LINGO2: variants seen among roughly 807,000 people sequenced by gnomAD.
The protein encoded by LINGO2 is leucine-rich repeat and immunoglobulin-like domain-containing nogo receptor-interacting protein 2.
Under a neutral mutation model 30.6 loss-of-function variants are expected in LINGO2, and 14 were observed. That is an observed-to-expected ratio of 0.46 (90% CI 0.30 to 0.72). The LOEUF (loss-of-function observed/expected upper bound fraction) is 0.72. Among genes scored for constraint, LINGO2 ranks in the 30% least tolerant of loss-of-function variants. LINGO2 has a pLI of 0.07. For synonymous variants in LINGO2, 317 were observed against 288.5 expected (o/e 1.10, Z -1.00); for missense variants, 729 against 751.7 (o/e 0.97, Z 0.35).
At chr9:28,577,597 C>A (rs1008186859) in intron 1 of LINGO2, among the ~76,000 whole-genome samples, 3 of 152,164 alleles carry the variant, frequency 2.0e-5, no homozygotes, top group African/African-American at 7.2e-5. Context: ...TGAATTCTTT[C>A]TCTATTGCAA....
At chr9:28,206,524 A>G (rs186291539) in intron 4 of LINGO2, among the ~76,000 whole-genome samples, 41 of 152,320 alleles carry the variant, frequency 2.7e-4, no homozygotes, top group Admixed American at 1.6e-3. Context: ...CAGTCTATCT[A>G]GAGATTAAAA....
the LINGO2 span, among the ~76,000 whole-genome samples, chr9:29,041,983 A>C: frequency 6.6e-6 from 1 of 152,068 alleles, no homozygotes; most frequent in African/African-American, 2.4e-5. Context: ...AATGAGGGAA[A>C]GACATGAACA....
the LINGO2 span, among the ~76,000 whole-genome samples, chr9:29,071,725 G>A: frequency 2.0e-5 from 3 of 151,330 alleles, no homozygotes; most frequent in Non-Finnish European, 4.4e-5. Flanking sequence ...AATATATATT[G>A]GAGAGATGGA....
chr9:28,988,716 T>C, the LINGO2 span, among the ~76,000 whole-genome samples: 3 of 152,232 alleles, frequency 2.0e-5, no homozygotes, highest in Admixed American at 1.3e-4. Flanking sequence ...TAAGTGCTTC[T>C]GGCTCTCTTT....
intron 4 of LINGO2, among the ~76,000 whole-genome samples, chr9:28,040,048 A>G (rs534602947): frequency 6.6e-6 from 1 of 152,356 alleles, no homozygotes; most frequent in African/African-American, 2.4e-5. Flanking sequence ...AACTATTTTC[A>G]TCCTGGGAGA....
At chr9:28,742,033 G>A in the LINGO2 span, among the ~76,000 whole-genome samples, 2 of 151,942 alleles carry the variant, frequency 1.3e-5, no homozygotes, top group Admixed American at 6.5e-5. Flanking sequence ...GATCCCACCT[G>A]GTATCAGGGT....
intron 1 of LINGO2, among the ~76,000 whole-genome samples, chr9:28,666,169 G>A (rs1183088511): frequency 1.3e-5 from 2 of 152,008 alleles, no homozygotes; most frequent in Non-Finnish European, 2.9e-5. Context: ...TGGGATTACA[G>A]GTGTGAGTCA....
At chr9:28,435,535 T>C (rs1162238607) in intron 2 of LINGO2, among the ~76,000 whole-genome samples, 1 of 152,232 alleles carries the variant, frequency 6.6e-6, no homozygotes, top group Non-Finnish European at 1.5e-5. Flanking sequence ...ATTGTCATTC[T>C]ATCTGACATC....
At chr9:29,075,258 T>C in the LINGO2 span, among the ~76,000 whole-genome samples, 1 of 152,178 alleles carries the variant, frequency 6.6e-6, no homozygotes, top group Non-Finnish European at 1.5e-5. Flanking sequence ...CTCAAAGTGA[T>C]TTGTTAAAAA....
chr9:28,292,022 T>G (rs1823748434), intron 4 of LINGO2, among the ~76,000 whole-genome samples: 1 of 150,096 alleles, frequency 6.7e-6, no homozygotes, highest in Admixed American at 6.7e-5. Context: ...TTAAAGTGCT[T>G]ATGGGGGAAG....
chr9:28,922,009 T>C, the LINGO2 span, among the ~76,000 whole-genome samples: 1 of 152,188 alleles, frequency 6.6e-6, no homozygotes, highest in African/African-American at 2.4e-5. Context: ...CACTGCCCCA[T>C]GCCCTCCCCC....
chr9:28,268,298 T>G (rs2134076451), intron 4 of LINGO2, among the ~76,000 whole-genome samples: 1 of 152,116 alleles, frequency 6.6e-6, no homozygotes. Context: ...AATTTTGAAC[T>G]AGATTAGAAG....
chr9:29,136,142 C>A, the LINGO2 span, among the ~76,000 whole-genome samples: 1 of 152,140 alleles, frequency 6.6e-6, no homozygotes, highest in African/African-American at 2.4e-5. Flanking sequence ...GTCCCAATTT[C>A]AAGTAAAATG....
intron 1 of LINGO2, among the ~76,000 whole-genome samples, chr9:28,550,898 G>T (rs1822245492): frequency 1.3e-5 from 2 of 151,636 alleles, no homozygotes; most frequent in Non-Finnish European, 2.9e-5. Flanking sequence ...ATATTCCTAT[G>T]GTGAAAATTT....
chr9:28,079,810 C>T (rs1825724246), intron 4 of LINGO2, among the ~76,000 whole-genome samples: 1 of 152,182 alleles, frequency 6.6e-6, no homozygotes, highest in Non-Finnish European at 1.5e-5. Flanking sequence ...GTCCTGCATC[C>T]TTGACATCTT....
chr9:28,073,654 C>G (rs1825545145), intron 4 of LINGO2, among the ~76,000 whole-genome samples: 1 of 152,206 alleles, frequency 6.6e-6, no homozygotes, highest in Non-Finnish European at 1.5e-5. Flanking sequence ...TAGAGTCCAA[C>G]TCTTCTGAAT....
intron 4 of LINGO2, among the ~76,000 whole-genome samples, chr9:28,243,170 G>A (rs12684716): frequency 0.1 from 15,800 of 151,838 alleles, 859 homozygotes; most frequent in Non-Finnish European, 0.11. Flanking sequence ...TAAAAGACAC[G>A]GACTAGGCTG....
chr9:28,996,431 T>C, the LINGO2 span, among the ~76,000 whole-genome samples: 1 of 152,036 alleles, frequency 6.6e-6, no homozygotes, highest in African/African-American at 2.4e-5. Flanking sequence ...ATTTTCTAGG[T>C]GGGAATATGG....
chr9:28,871,179 T>C, the LINGO2 span, among the ~76,000 whole-genome samples: 1 of 151,678 alleles, frequency 6.6e-6, no homozygotes, highest in Non-Finnish European at 1.5e-5. Flanking sequence ...GCTATGTAGA[T>C]ACTAAAGGTA....
Sources: allele counts gnomAD v4.1 joint callset (sites outside exome capture counted in the v4.1 genomes callset), GRCh38; gene constraint gnomAD v4.1.1; transcripts MANE v1.5; gene names NCBI Gene and HGNC (gene_info 2026-07-23, HGNC 2026-07-21).